The following SPATA16 variants were observed in gnomAD, a reference collection of about 807,000 sequenced individuals.
SPATA16 encodes spermatogenesis associated 16, also known as spermatogenesis-associated protein 16.
A neutral mutation model predicts 63.3 loss-of-function variants in SPATA16; 36 were observed. The observed-to-expected ratio is 0.57, with a 90% CI of 0.44 to 0.75. The LOEUF (loss-of-function observed/expected upper bound fraction) is 0.75. Ranked by LOEUF, SPATA16 falls within the 30% of genes least tolerant of loss-of-function variation. The pLI is 0.00. For synonymous variants in SPATA16, 203 were observed against 216.7 expected, an observed-to-expected ratio of 0.94 and a Z score of 0.56; for missense variants, 646 against 679.3, an observed-to-expected ratio of 0.95 and a Z score of 0.54.
intron 3 of SPATA16, among the ~76,000 whole-genome samples, chr3:173,031,559 A>G (rs1335981090): frequency 6.6e-6 from 1 of 152,066 alleles, no homozygotes; most frequent in Admixed American, 6.6e-5. Context: ...AGTGTTCCAT[A>G]TTGTTGCTTC....
At chr3:172,959,335 A>T (rs2108236634) in intron 5 of SPATA16, among the ~76,000 whole-genome samples, 1 of 152,272 alleles carries the variant, frequency 6.6e-6, no homozygotes, top group South Asian at 2.1e-4. Context: ...TGGCAGCTTG[A>T]TCTGCTCATT....
chr3:172,996,272 T>C (rs1396683348), intron 4 of SPATA16, among the ~76,000 whole-genome samples: 1 of 152,136 alleles, frequency 6.6e-6, no homozygotes, highest in African/African-American at 2.4e-5. Flanking sequence ...CTTATTATTA[T>C]TACCAAATGG....
chr3:173,138,942 G>T (rs1021266257), intron 1 of SPATA16, among the ~76,000 whole-genome samples: 1 of 152,096 alleles, frequency 6.6e-6, no homozygotes, highest in African/African-American at 2.4e-5. Flanking sequence ...TTTACTCCTG[G>T]AGGCTTTCTA....
chr3:172,988,517 C>A (rs543338945), intron 4 of SPATA16, among the ~76,000 whole-genome samples: 30 of 152,334 alleles, frequency 2.0e-4, no homozygotes, highest in Admixed American at 1.6e-3. Context: ...AATACCCTCA[C>A]TCACTTTCCA....
chr3:172,966,980 C>G (rs1413878957), intron 5 of SPATA16, among the ~76,000 whole-genome samples: 1 of 152,098 alleles, frequency 6.6e-6, no homozygotes, highest in Non-Finnish European at 1.5e-5. Context: ...TGGTTTTGCT[C>G]ATAACAAGTT....
chr3:172,895,134 C>G (rs1188009597), intron 10 of SPATA16, among the ~76,000 whole-genome samples: 1 of 152,042 alleles, frequency 6.6e-6, no homozygotes, highest in Non-Finnish European at 1.5e-5. Context: ...TATTTTTTAC[C>G]CAGTGTCCGT....
chr3:172,954,080 A>C (rs1253883213), intron 6 of SPATA16, among the ~76,000 whole-genome samples: 1 of 152,250 alleles, frequency 6.6e-6, no homozygotes, highest in African/African-American at 2.4e-5. Flanking sequence ...CTTAAATTCT[A>C]TCTACAAGGC....
chr3:172,901,321 T>C (rs1732122449), intron 10 of SPATA16, among the ~76,000 whole-genome samples: 1 of 152,198 alleles, frequency 6.6e-6, no homozygotes, highest in Non-Finnish European at 1.5e-5. Flanking sequence ...TGCTTCAGCC[T>C]CCTGAATAGC....
At chr3:173,129,315 A>C (rs1422162492) in intron 1 of SPATA16, among the ~76,000 whole-genome samples, 1 of 152,082 alleles carries the variant, frequency 6.6e-6, no homozygotes, top group Non-Finnish European at 1.5e-5. Flanking sequence ...TCAAATCCTA[A>C]CTCTGTCTTT....
intron 10 of SPATA16, among the ~76,000 whole-genome samples, chr3:172,903,108 C>T (rs1262615874): frequency 6.6e-6 from 1 of 152,100 alleles, no homozygotes; most frequent in Non-Finnish European, 1.5e-5. Flanking sequence ...CTGTTATTCT[C>T]CAGAATTATA....
At chr3:172,900,755 C>G (rs1030113768) in intron 10 of SPATA16, among the ~76,000 whole-genome samples, 2 of 151,678 alleles carry the variant, frequency 1.3e-5, no homozygotes, top group Non-Finnish European at 2.9e-5. Flanking sequence ...ATTCTCCTGC[C>G]TCAGCCTCCT....
intron 2 of SPATA16, among the ~76,000 whole-genome samples, chr3:173,091,942 G>T (rs995256261): frequency 3.9e-5 from 6 of 152,062 alleles, no homozygotes; most frequent in African/African-American, 7.2e-5. Flanking sequence ...ATAGAGAATA[G>T]CCTGGGAAGA....
chr3:173,119,738 A>G (rs1022999480), intron 1 of SPATA16, among the ~76,000 whole-genome samples: 2 of 132,916 alleles, frequency 1.5e-5, no homozygotes, highest in South Asian at 2.7e-4. Flanking sequence ...CAACAGCTCC[A>G]CTTTGGGCAA....
intron 5 of SPATA16, among the ~76,000 whole-genome samples, chr3:172,959,468 A>G (rs1362711182): frequency 1.3e-5 from 2 of 152,174 alleles, no homozygotes; most frequent in African/African-American, 2.4e-5. Flanking sequence ...ACCAATAGAG[A>G]TGGGTTCTTC....
chr3:172,925,982 C>A (rs7616306), intron 6 of SPATA16, among the ~76,000 whole-genome samples: 70,707 of 151,644 alleles, frequency 0.47, 19,258 homozygotes, highest in South Asian at 0.67. Context: ...CCCGCCACCG[C>A]GCCCAGCTGA....
intron 2 of SPATA16, among the ~76,000 whole-genome samples, chr3:173,054,749 T>C (rs547620918): frequency 3.3e-5 from 5 of 152,258 alleles, no homozygotes; most frequent in African/African-American, 9.6e-5. Context: ...TATCCTTTTT[T>C]TTTAAGAATA....
chr3:172,910,655 G>C (rs1187201628), intron 10 of SPATA16, among the ~76,000 whole-genome samples: 1 of 151,798 alleles, frequency 6.6e-6, no homozygotes, highest in African/African-American at 2.4e-5. Context: ...GTCTCATGAG[G>C]ACCACGTTTG....
At chr3:172,907,980 C>T (rs1052825197) in intron 10 of SPATA16, among the ~76,000 whole-genome samples, 12 of 152,160 alleles carry the variant, frequency 7.9e-5, no homozygotes, top group South Asian at 4.1e-4. Context: ...TTTCCTATTG[C>T]GCTTTCTCCC....
chr3:172,956,881 A>T (rs1311283960), intron 5 of SPATA16, 57 bp from the exon 6 acceptor site: 23 of 1,586,478 alleles, frequency 1.4e-5, no homozygotes, highest in Non-Finnish European at 1.9e-5. Context: ...CTTTTTAAGA[A>T]TGTAAAAAAT....
Sources: allele counts gnomAD v4.1 joint callset (sites outside exome capture counted in the v4.1 genomes callset), GRCh38; gene constraint gnomAD v4.1.1; transcripts MANE v1.5; gene names NCBI Gene and HGNC (gene_info 2026-07-23, HGNC 2026-07-21).